TMCC1: variants seen among roughly 807,000 people sequenced by gnomAD.
TMCC1 encodes transmembrane and coiled-coil domain family 1, also known as transmembrane and coiled-coil domains protein 1.
A neutral mutation model predicts 52.4 loss-of-function variants in TMCC1; 15 were observed. The observed-to-expected ratio is 0.29, with a 90% CI of 0.19 to 0.44. The LOEUF (loss-of-function observed/expected upper bound fraction) is 0.44. Among genes scored for constraint, TMCC1 ranks in the 20% least tolerant of loss-of-function variants. The pLI is 1.00. For missense variants in TMCC1, 503 were observed against 806.0 expected (o/e 0.62, Z 4.55); for synonymous variants, 279 against 301.9 (o/e 0.92, Z 0.79).
intron 4 of TMCC1, among the ~76,000 whole-genome samples, chr3:129,788,968 A>G (rs186553595): frequency 1.0e-3 from 157 of 152,346 alleles, no homozygotes; most frequent in African/African-American, 3.4e-3. Flanking sequence ...GATTAACAAG[A>G]AGATATTACA....
intron 4 of TMCC1, among the ~76,000 whole-genome samples, chr3:129,728,093 TAA>T (rs1321062286): frequency 6.6e-6 from 1 of 152,226 alleles, no homozygotes; most frequent in African/African-American, 2.4e-5. Flanking sequence ...GGCTCTGTAC[TAA>T]TTTATTGAAT....
At chr3:129,854,622 T>C (rs1281800813) in intron 2 of TMCC1, among the ~76,000 whole-genome samples, 1 of 152,096 alleles carries the variant, frequency 6.6e-6, no homozygotes, top group Non-Finnish European at 1.5e-5. Flanking sequence ...CATTTCACCA[T>C]TCTCCCTTCT....
At chr3:129,820,899 G>GT (rs2058384161) in intron 4 of TMCC1, among the ~76,000 whole-genome samples, 1 of 152,210 alleles carries the variant, frequency 6.6e-6, no homozygotes, top group African/African-American at 2.4e-5. Context: ...TCAGAGGTTA[G>GT]TAAGAGGTGG....
intron 4 of TMCC1, among the ~76,000 whole-genome samples, chr3:129,756,903 GTA>G: frequency 6.6e-6 from 1 of 152,318 alleles, no homozygotes; most frequent in East Asian, 1.9e-4. Flanking sequence ...GAGTTGTTGT[GTA>G]TGGTACTATA....
At chr3:129,693,918 A>T (rs950825989) in intron 4 of TMCC1, among the ~76,000 whole-genome samples, 1 of 152,204 alleles carries the variant, frequency 6.6e-6, no homozygotes, top group African/African-American at 2.4e-5. Flanking sequence ...GTAACTGTAT[A>T]TACTGGAATC....
chr3:129,755,135 A>G (rs2052886247), intron 4 of TMCC1, among the ~76,000 whole-genome samples: 1 of 152,148 alleles, frequency 6.6e-6, no homozygotes, highest in Admixed American at 6.6e-5. Flanking sequence ...AGCACCAAAA[A>G]CATATGATAA....
At chr3:129,762,656 C>T (rs1484524088) in intron 4 of TMCC1, among the ~76,000 whole-genome samples, 1 of 152,008 alleles carries the variant, frequency 6.6e-6, no homozygotes, top group African/African-American at 2.4e-5. Context: ...GTGGTGCACA[C>T]CTATGGTCCC....
chr3:129,859,836 C>T (rs1486786279), intron 2 of TMCC1, among the ~76,000 whole-genome samples: 1 of 152,058 alleles, frequency 6.6e-6, no homozygotes, highest in Non-Finnish European at 1.5e-5. Flanking sequence ...TTCATAGTGC[C>T]TGACATGGTG....
intron 4 of TMCC1, among the ~76,000 whole-genome samples, chr3:129,791,723 G>A (rs1206231149): frequency 1.3e-5 from 2 of 152,186 alleles, no homozygotes; most frequent in Non-Finnish European, 1.5e-5. Context: ...AAGGAAAATT[G>A]AGAACTTTTC....
intron 1 of TMCC1, among the ~76,000 whole-genome samples, chr3:129,886,727 G>A (rs1046997013): frequency 6.6e-6 from 1 of 151,338 alleles, no homozygotes; most frequent in Non-Finnish European, 1.5e-5. Flanking sequence ...ATCACTTGAG[G>A]TCAGGAGTTC....
rs559380531 is a variant in TMCC1 at position 129,839,301 on chromosome 3, A to G, written c.-183-6475T>C. On this transcript the variant is annotated intron_variant, in intron 2 of 6. Transcript: ENST00000393238. ...GAAGAACTGGGAACACACTATAACC[A>G]TACTTTAACTAAATGCGAAGTGGCA... Among the ~76,000 whole-genome samples the G allele has an allele frequency of 2.2e-3, 336 of 152,348 alleles. 5 individuals carry two copies. Among genetic ancestry groups the G allele is most frequent in the Non-Finnish European group, 5.3e-4 (36 of 68,032 alleles).
intron 2 of TMCC1, among the ~76,000 whole-genome samples, chr3:129,870,258 C>T (rs2060848423): frequency 1.3e-5 from 2 of 151,914 alleles, no homozygotes; most frequent in African/African-American, 4.8e-5. Context: ...TTTTCTCCTC[C>T]AGTTAATAAG....
Position 129,746,422 on chromosome 3 carries a change from G to A in TMCC1, c.577-75158C>T, listed in dbSNP as rs892716482. ...TCTTGATCTCTTGACCTCGTGATCC[G>A]CCCGCCTCGGCCTCCCAAAGTGCTA... is the stretch of plus-strand genomic sequence containing the variant. On this transcript the variant is annotated intron_variant, in intron 4 of 6. Transcript: ENST00000393238. Among the ~76,000 whole-genome samples the A allele has an allele frequency of 1.8e-3, 262 of 148,640 alleles. 1 individual carries two copies. Among genetic ancestry groups the A allele is most frequent in the Non-Finnish European group, 2.6e-3 (173 of 66,904 alleles).
At chr3:129,672,577 G>A (rs750196032) in intron 4 of TMCC1, among the ~76,000 whole-genome samples, 16 of 152,088 alleles carry the variant, frequency 1.1e-4, no homozygotes, top group Non-Finnish European at 2.4e-4. Flanking sequence ...TCCAGTCTGA[G>A]TGACAGAGCG....
chr3:129,702,187 T>C (rs180977463), intron 4 of TMCC1, among the ~76,000 whole-genome samples: 325 of 151,822 alleles, frequency 2.1e-3, no homozygotes, highest in African/African-American at 7.2e-3. Flanking sequence ...TTATAACTTC[T>C]CCAGGTGGTA....
intron 4 of TMCC1, among the ~76,000 whole-genome samples, chr3:129,762,442 G>C (rs1022550746): frequency 1.3e-5 from 2 of 152,146 alleles, no homozygotes; most frequent in Non-Finnish European, 2.9e-5. Flanking sequence ...TACTTGACTA[G>C]TCAGCTAGTG....
intron 4 of TMCC1, among the ~76,000 whole-genome samples, chr3:129,755,076 T>TA (rs2052881299): frequency 6.6e-6 from 1 of 151,620 alleles, no homozygotes; most frequent in African/African-American, 2.4e-5. Flanking sequence ...AGACTCTGTC[T>TA]AAAAAAAAGT....
At chr3:129,867,465 CT>C (rs1435995916) in intron 2 of TMCC1, among the ~76,000 whole-genome samples, 1 of 152,204 alleles carries the variant, frequency 6.6e-6, no homozygotes, top group Non-Finnish European at 1.5e-5. Context: ...CTGTTTTCCT[CT>C]TTCCACACTG....
At chr3:129,827,337 T>A (rs2058702089) in intron 4 of TMCC1, among the ~76,000 whole-genome samples, 1 of 152,224 alleles carries the variant, frequency 6.6e-6, no homozygotes, top group African/African-American at 2.4e-5. Flanking sequence ...AAATGTAAAA[T>A]GAATGCTGCT....
Sources: gnomAD v4.1 joint callset for allele counts (sites outside exome capture counted in the v4.1 genomes callset) on GRCh38, gnomAD v4.1.1 for gene constraint, MANE v1.5 for transcripts, NCBI Gene and HGNC (gene_info 2026-07-23, HGNC 2026-07-21) for gene names.